RRP1B: variants seen among roughly 807,000 people sequenced by gnomAD.
RRP1B encodes the protein ribosomal RNA processing 1B.
In RRP1B, 56 loss-of-function variants were observed where a neutral mutation model predicts 80.2. The ratio of observed to expected loss-of-function variants is 0.70; its 90% CI spans 0.56 to 0.87. The LOEUF is 0.87. Among genes scored for constraint, RRP1B ranks in the 40% least tolerant of loss-of-function variants. The pLI is 0.00. For missense variants in RRP1B, 807 were observed against 939.8 expected (o/e 0.86, Z 1.85); for synonymous variants, 351 against 357.6 (o/e 0.98, Z 0.21).
At chr21:43,688,650 C>CA (rs1274629073) in intron 13 of RRP1B, among the ~76,000 whole-genome samples, 1 of 152,214 alleles carries the variant, frequency 6.6e-6, no homozygotes, top group Non-Finnish European at 1.5e-5. Context: ...TTGCTTCACT[C>CA]ACCTTCTTTT....
rs1191182724 is a variant in RRP1B at position 43,680,409 on chromosome 21, A to AG, written c.797-2870_797-2869insG. Among the ~76,000 whole-genome samples, 4 of 151,770 alleles carry AG rather than the reference A, an allele frequency of 2.6e-5. No individual in the cohort carries two copies. The East Asian group carries it at 5.8e-4, about 22-fold the overall frequency. On this transcript the variant is annotated intron_variant, in intron 8 of 15. Coordinates refer to ENST00000340648, the MANE Select transcript of RRP1B (RefSeq NM_015056.3). ...CCTGTCTCTACTAAAAATACAAAAA[A>AG]AAAAATTAGCCAGGCATGGTGGCAC...
chr21:43,669,816 A>G lies in RRP1B; in HGVS notation c.131-68A>G, dbSNP rs562665861. The stretch of plus-strand genomic sequence containing the variant: ...AGAATTAAAATGTATGTGATACTTC[A>G]CCACTTTCTAAACTTGAAGAAAAGA... On this transcript the variant is annotated intron_variant, in intron 1 of 15. Coordinates refer to ENST00000340648, the MANE Select transcript of RRP1B (RefSeq NM_015056.3). 1.8e-5 allele frequency: 20 copies of G among 1,125,426 alleles called. No individual in the cohort carries two copies. In the South Asian group the frequency reaches 2.7e-4, roughly 15 times the overall value. The allele number at this position is 1,125,426 out of a possible 1,614,324, so 69.7% of individuals were successfully genotyped here.
At chr21:43,664,223 G>A (rs2147159703) in intron 1 of RRP1B, among the ~76,000 whole-genome samples, 1 of 151,794 alleles carries the variant, frequency 6.6e-6, no homozygotes, top group East Asian at 1.9e-4. Flanking sequence ...TGGATCACCT[G>A]AGGTTGGGAG....
At chr21:43,678,882 A>G (rs1055200186) in intron 8 of RRP1B, among the ~76,000 whole-genome samples, 5 of 152,188 alleles carry the variant, frequency 3.3e-5, no homozygotes, top group South Asian at 2.1e-4. Context: ...ATCTTCTACA[A>G]TTTGTATGGT....
Position 43,694,457 on chromosome 21 carries a change from C to G in RRP1B, c.*1074C>G, listed in dbSNP as rs2083099555. ...GAGCAGCGATTGCTGGATCATTGATCTGTTTGAGGAAGTGTCTGACCTGGG... is the reference window on the plus strand; with the variant it reads ...GAGCAGCGATTGCTGGATCATTGATGTGTTTGAGGAAGTGTCTGACCTGGG... On this transcript the variant is annotated 3_prime_UTR_variant, in exon 16 of 16. Transcript: ENST00000340648. The G allele has an allele frequency of 6.6e-6, 1 of 152,268 alleles. No homozygotes were observed. The highest frequency in any genetic ancestry group is 2.1e-4 in the South Asian group (1 of 4,836). 9.4% of individuals were successfully genotyped at this position (152,268 alleles called of 1,614,324 possible). A position where few individuals can be genotyped will look rare whatever the true frequency, so the allele number is the denominator to read the frequency against.
At chr21:43,674,013 T>A in intron 4 of RRP1B, 58 bp downstream of exon 4, 1 of 1,269,066 alleles carries the variant, frequency 7.9e-7, no homozygotes, top group Non-Finnish European at 1.1e-6. Flanking sequence ...GTCCTTTATC[T>A]TAAAAACAAT....
Position 43,691,570 on chromosome 21 carries a change from C to A in RRP1B, c.2083+68C>A. The A allele has an allele frequency of 7.0e-7, 1 of 1,426,838 alleles. No individual in the cohort carries two copies. The highest frequency in any genetic ancestry group is 9.9e-7 in the Non-Finnish European group (1 of 1,011,670). The allele number at this position is 1,426,838 out of a possible 1,614,324, so 88.4% of individuals were successfully genotyped here. ...CTGCAGCTCCTGGCGCGGCTCGCAGCCTGGTTCCACAAGGCGGTCGGGGAA... is the reference window on the plus strand; with the variant it reads ...CTGCAGCTCCTGGCGCGGCTCGCAGACTGGTTCCACAAGGCGGTCGGGGAA... On this transcript the variant is annotated intron_variant, in intron 15 of 15. Coordinates refer to ENST00000340648, the MANE Select transcript of RRP1B (RefSeq NM_015056.3). This position sits in a 1 kb window ranked among gnomAD's most constrained non-coding sequence, Gnocchi z 4.2.
chr21:43,694,185 G>C lies in RRP1B; in HGVS notation c.*802G>C, dbSNP rs1017122876. Reference sequence around the variant, plus strand: ...CACACTCATTCCTCCAAGCCCTTGCGCTCCCGTTTCTCTCTCTCTCCGTCC... The same window carrying C: ...CACACTCATTCCTCCAAGCCCTTGCCCTCCCGTTTCTCTCTCTCTCCGTCC... On this transcript the variant is annotated 3_prime_UTR_variant, in exon 16 of 16. Coordinates refer to ENST00000340648, the MANE Select transcript of RRP1B (RefSeq NM_015056.3). The C allele has an allele frequency of 6.6e-6, 1 of 151,214 alleles. No homozygotes were observed. Among genetic ancestry groups the C allele is most frequent in the African/African-American group, 2.4e-5 (1 of 41,008 alleles). 9.4% of individuals were successfully genotyped at this position (151,214 alleles called of 1,614,324 possible). A position where few individuals can be genotyped will look rare whatever the true frequency, so the allele number is the denominator to read the frequency against.
chr21:43,688,824 GTGTCACCCA>G, intron 13 of RRP1B, among the ~76,000 whole-genome samples: 1 of 152,320 alleles, frequency 6.6e-6, no homozygotes, highest in Non-Finnish European at 1.5e-5. Flanking sequence ...GGGTCTGGCT[GTGTCACCCA>G]GGCTGGAGTG....
At chr21:43,672,469 C>T (rs1057343238) in intron 3 of RRP1B, 104 bp downstream of exon 3, 15 of 979,322 alleles carry the variant, frequency 1.5e-5, no homozygotes, top group East Asian at 2.4e-5. Flanking sequence ...CAAGCCATTC[C>T]TGTTTTTAAA....
At chr21:43,689,104 G>A (rs1448536786) in intron 13 of RRP1B, among the ~76,000 whole-genome samples, 1 of 152,202 alleles carries the variant, frequency 6.6e-6, no homozygotes, top group South Asian at 2.1e-4. Flanking sequence ...ACCTCTGGGC[G>A]CCCTGGGCTT....
intron 8 of RRP1B, among the ~76,000 whole-genome samples, chr21:43,682,523 T>C (rs1169956697): frequency 6.6e-6 from 1 of 152,238 alleles, no homozygotes; most frequent in Non-Finnish European, 1.5e-5. Context: ...TCGTGAAAAG[T>C]GACTGTACTG....
At chr21:43,665,855 G>A (rs531439555) in intron 1 of RRP1B, among the ~76,000 whole-genome samples, 30 of 152,256 alleles carry the variant, frequency 2.0e-4, no homozygotes, top group African/African-American at 6.3e-4. Context: ...GCAGAGCCTC[G>A]AGCCAAATAA....
In RRP1B at chr21:43,693,236, T is replaced by G; in HGVS notation, c.2130T>G (p.Pro710=). 1.2e-6 allele frequency: 2 copies of G among 1,613,938 alleles called. No homozygotes were observed. The highest frequency in any genetic ancestry group is 1.6e-4 in the Middle Eastern group (1 of 6,062). The change falls in exon 16 of 16, where the codon CCT becomes CCG. Residue 710 remains proline, a synonymous_variant. Transcript: ENST00000340648. This position sits in a 1 kb window ranked among gnomAD's most constrained non-coding sequence, Gnocchi z 4.1. ...DKSILVSPTG[P]SRVAFDPEQK... is the part of the protein sequence containing the mutation. ...GTATCTTGGTCAGTCCCACGGGCCC[T>G]TCTCGAGTGGCCTTCGACCCTGAAC...
At chr21:43,663,069 C>T (rs2147158853) in intron 1 of RRP1B, among the ~76,000 whole-genome samples, 1 of 152,290 alleles carries the variant, frequency 6.6e-6, no homozygotes, top group South Asian at 2.1e-4. Context: ...AGGGTTCTCT[C>T]TATCCAAGAG....
chr21:43,667,295 T>C (rs745945331), intron 1 of RRP1B, among the ~76,000 whole-genome samples: 1 of 152,176 alleles, frequency 6.6e-6, no homozygotes, highest in African/African-American at 2.4e-5. Flanking sequence ...GGCACGATTA[T>C]AGCTTACTGC....
rs1315828436 is a variant in RRP1B at position 43,691,648 on chromosome 21, T to A, written c.2083+146T>A. 4 of 622,124 alleles carry A rather than the reference T, an allele frequency of 6.4e-6. No homozygotes were observed. The highest frequency in any genetic ancestry group is 3.1e-5 in the Admixed American group (1 of 32,772). 38.5% of individuals were successfully genotyped at this position (622,124 alleles called of 1,614,324 possible). On this transcript the variant is annotated intron_variant, in intron 15 of 15. Coordinates refer to ENST00000340648, the MANE Select transcript of RRP1B (RefSeq NM_015056.3). This position sits in a 1 kb window ranked among gnomAD's most constrained non-coding sequence, Gnocchi z 4.2. Reference sequence around the variant, plus strand: ...ATTTCTTTATTTTTATTTTTTTTTTTTTTTTGAGACAGAGTCTCGCTGCTC... The same window carrying A: ...ATTTCTTTATTTTTATTTTTTTTTTATTTTTGAGACAGAGTCTCGCTGCTC...
intron 1 of RRP1B, among the ~76,000 whole-genome samples, chr21:43,662,648 C>G (rs1434297681): frequency 6.6e-6 from 1 of 151,964 alleles, no homozygotes; most frequent in Non-Finnish European, 1.5e-5. Context: ...CTTTAAGTAA[C>G]AGTGTTGCGC....
In RRP1B at chr21:43,683,355, C is replaced by T; in HGVS notation, c.873C>T (p.Asp291=). The T allele has an allele frequency of 1.2e-6, 2 of 1,613,890 alleles. No homozygotes were observed. Among genetic ancestry groups the T allele is most frequent in the Non-Finnish European group, 1.7e-6 (2 of 1,179,784 alleles). Residue 291 remains aspartate, a synonymous_variant, in exon 9 of 16, where the codon GAC becomes GAT. Coordinates refer to ENST00000340648, the MANE Select transcript of RRP1B (RefSeq NM_015056.3). ...RGRDDCGTFE[D]TGPLLQFDYK... is the part of the protein sequence containing the mutation. Reference sequence around the variant, plus strand: ...GAGATGACTGTGGAACCTTTGAGGACACAGGGCCCCTTCTCCAGGTGGGTA... The same window carrying T: ...GAGATGACTGTGGAACCTTTGAGGATACAGGGCCCCTTCTCCAGGTGGGTA...
Sources: allele counts gnomAD v4.1 joint callset (sites outside exome capture counted in the v4.1 genomes callset), GRCh38; gene constraint gnomAD v4.1.1; non-coding constraint Gnocchi (gnomAD v3.1); transcripts MANE v1.5; gene names NCBI Gene and HGNC (gene_info 2026-07-23, HGNC 2026-07-21).